Variants in RANBP17 observed in about 807,000 individuals in gnomAD.
RANBP17 encodes the protein ran-binding protein 17.
In RANBP17, 158 loss-of-function variants were observed where a neutral mutation model predicts 141.2. That is an observed-to-expected ratio of 1.12 (90% CI 0.98 to 1.28). The LOEUF (loss-of-function observed/expected upper bound fraction) is 1.28. RANBP17 is among the 50% of genes most tolerant of loss of function. The pLI is 0.00. For missense variants in RANBP17, 1,438 were observed against 1,290.7 expected, an observed-to-expected ratio of 1.11 and a Z score of -1.75; for synonymous variants, 430 against 450.0, an observed-to-expected ratio of 0.96 and a Z score of 0.56.
intron 1 of RANBP17, among the ~76,000 whole-genome samples, chr5:170,877,179 A>G (rs1768252063): frequency 1.3e-5 from 2 of 152,158 alleles, no homozygotes; most frequent in Admixed American, 1.3e-4. Context: ...CATTGCTAGA[A>G]ATACCATGGG....
At chr5:170,968,759 T>A (rs768814532) in intron 14 of RANBP17, 1 of 454,864 alleles carries the variant, frequency 2.2e-6, no homozygotes, top group South Asian at 1.6e-5. Context: ...TTCACTAATT[T>A]CTTGGCATTT....
rs1766823902 is a variant in RANBP17, at chr5:170,862,063, C to T, written c.18+12C>T. 3 of 1,454,306 alleles carry T rather than the reference C, an allele frequency of 2.1e-6. No individual in the cohort carries two copies. The highest frequency in any genetic ancestry group is 2.7e-6 in the Non-Finnish European group (3 of 1,109,972). 90.1% of individuals were successfully genotyped at this position (1,454,306 alleles called of 1,614,324 possible). On this transcript the variant is annotated intron_variant, in intron 1 of 27. Transcript: ENST00000523189. Reference sequence around the variant, plus strand: ...CGCTGCACTTCCAGGTCAGTGTGCTCTGCGCCGCGGGCCCGCGCTCCGCCA... The same window carrying T: ...CGCTGCACTTCCAGGTCAGTGTGCTTTGCGCCGCGGGCCCGCGCTCCGCCA...
In RANBP17 at chr5:170,904,273, A is replaced by G. The variant is rs1023341562; in HGVS notation, c.490-5388A>G. ...CCACATTCATGGAAATGAAAGAGAG[A>G]TTCATGAGGCTCTACAAGAAAAAAG... On this transcript the variant is annotated intron_variant, in intron 5 of 27. Transcript: ENST00000523189. The G allele has an allele frequency of 2.7e-5, 7 of 263,984 alleles. No homozygotes were observed. In the East Asian group the frequency reaches 6.8e-4, roughly 26 times the overall value. The allele number at this position is 263,984 out of a possible 1,614,324, so 16.4% of individuals were successfully genotyped here. A position where few individuals can be genotyped will look rare whatever the true frequency, so the allele number is the denominator to read the frequency against.
intron 12 of RANBP17, among the ~76,000 whole-genome samples, chr5:170,938,148 AG>A (rs1265769615): frequency 6.6e-6 from 1 of 152,208 alleles, no homozygotes; most frequent in Admixed American, 6.5e-5. Context: ...GGCAAAAAGC[AG>A]GGTTGCTCTC....
intron 25 of RANBP17, among the ~76,000 whole-genome samples, chr5:171,288,725 A>C (rs1264689282): frequency 2.6e-5 from 4 of 152,222 alleles, no homozygotes; most frequent in Non-Finnish European, 5.9e-5. Flanking sequence ...GATGCTCCAT[A>C]AATGAGGGCT....
intron 25 of RANBP17, among the ~76,000 whole-genome samples, chr5:171,277,639 A>ATG (rs1233327191): frequency 1.4e-3 from 21 of 14,712 alleles, no homozygotes; most frequent in Admixed American, 6.7e-3. Flanking sequence ...ATATGTATGT[A>ATG]TATATATATA....
chr5:170,882,110 A>G (rs548121051), intron 3 of RANBP17, among the ~76,000 whole-genome samples: 3 of 152,088 alleles, frequency 2.0e-5, no homozygotes, highest in Non-Finnish European at 4.4e-5. Context: ...TTTGAGACAG[A>G]GTCTTGCTCT....
chr5:170,935,223 T>G (rs1773764949), intron 12 of RANBP17, among the ~76,000 whole-genome samples: 1 of 152,214 alleles, frequency 6.6e-6, no homozygotes, highest in African/African-American at 2.4e-5. Context: ...TTGCAAGGGT[T>G]TAGCTTCTTT....
chr5:171,234,956 C>A (rs1764443983), intron 22 of RANBP17, among the ~76,000 whole-genome samples: 1 of 152,140 alleles, frequency 6.6e-6, no homozygotes, highest in Admixed American at 6.6e-5. Context: ...CCTACTACAA[C>A]TAGGGGTGAG....
intron 25 of RANBP17, among the ~76,000 whole-genome samples, chr5:171,291,935 G>C (rs1319627753): frequency 6.6e-6 from 1 of 152,186 alleles, no homozygotes; most frequent in East Asian, 1.9e-4. Flanking sequence ...GAATACACAG[G>C]AGAACCATAT....
At chr5:171,059,347 A>G (rs1467710842) in intron 14 of RANBP17, among the ~76,000 whole-genome samples, 8 of 152,086 alleles carry the variant, frequency 5.3e-5, no homozygotes, top group African/African-American at 1.2e-4. Context: ...TGTTTAAGGT[A>G]TAAGGAAGGG....
chr5:171,233,868 C>A (rs553025460), intron 22 of RANBP17, among the ~76,000 whole-genome samples: 1 of 152,118 alleles, frequency 6.6e-6, no homozygotes, highest in African/African-American at 2.4e-5. Flanking sequence ...CAACAGTGAA[C>A]GCTGATGTAA....
At chr5:171,089,153 C>T (rs962668292) in intron 14 of RANBP17, among the ~76,000 whole-genome samples, 9 of 150,092 alleles carry the variant, frequency 6.0e-5, no homozygotes, top group Non-Finnish European at 1.2e-4. Context: ...TGTGGATGTC[C>T]TTTCTGTTTG....
At chr5:171,226,667 A>G (rs902631484) in intron 22 of RANBP17, among the ~76,000 whole-genome samples, 1 of 152,108 alleles carries the variant, frequency 6.6e-6, no homozygotes, top group Non-Finnish European at 1.5e-5. Flanking sequence ...AGCCCTCCAG[A>G]AAAAGGGGGA....
chr5:171,017,921 A>C (rs1024120181), intron 14 of RANBP17, among the ~76,000 whole-genome samples: 34 of 152,102 alleles, frequency 2.2e-4, no homozygotes, highest in African/African-American at 7.7e-4. Context: ...ATCTTGAGTT[A>C]ATTTTTGTAT....
At chr5:170,907,521 C>A (rs1771160711) in intron 5 of RANBP17, among the ~76,000 whole-genome samples, 1 of 151,912 alleles carries the variant, frequency 6.6e-6, no homozygotes, top group Non-Finnish European at 1.5e-5. Context: ...TATTAACTTG[C>A]ACAGGACTTA....
rs1414775059 is a variant in RANBP17 at position 171,280,812 on chromosome 5, T to C, written c.2944-13071T>C. On this transcript the variant is annotated intron_variant, in intron 25 of 27. Transcript: ENST00000523189. ...CACGCTTAGAAGAATATAGACTGAG[T>C]GCTTTCAAATGACTGAAATTTCATC... is the stretch of plus-strand genomic sequence containing the variant. 1.3e-5 allele frequency among the ~76,000 whole-genome samples: 2 copies of C among 152,188 alleles called. 1 individual carries two copies. Among genetic ancestry groups the C allele is most frequent in the African/African-American group, 4.8e-5 (2 of 41,444 alleles).
rs532411620 is a variant in RANBP17, at chr5:171,059,080, T to C, written c.1710+90703T>C. Among the ~76,000 whole-genome samples the C allele has an allele frequency of 2.0e-5, 3 of 151,862 alleles. No homozygotes were observed. The South Asian group carries it at 6.2e-4, about 32-fold the overall frequency. On this transcript the variant is annotated intron_variant, in intron 14 of 27. Coordinates refer to ENST00000523189, the MANE Select transcript of RANBP17 (RefSeq NM_022897.5). ...GGATATTAGCCCTTTGTCAGATGAG[T>C]AGGTTGCGAAAATTTTCTCCCATTT... is the stretch of plus-strand genomic sequence containing the variant.
intron 14 of RANBP17, among the ~76,000 whole-genome samples, chr5:171,159,971 T>A (rs145042411): frequency 6.1e-5 from 9 of 147,904 alleles, no homozygotes; most frequent in African/African-American, 2.2e-4. Context: ...GACAATTGGA[T>A]GGACCTATTG....
Sources: gnomAD v4.1 joint callset for allele counts (sites outside exome capture counted in the v4.1 genomes callset) on GRCh38, gnomAD v4.1.1 for gene constraint, MANE v1.5 for transcripts, NCBI Gene and HGNC (gene_info 2026-07-23, HGNC 2026-07-21) for gene names.